The following SLC35F1 variants were observed in gnomAD, a reference collection of about 807,000 sequenced individuals.
The protein encoded by SLC35F1 is solute carrier family 35 member F1.
Under a neutral mutation model 48.7 loss-of-function variants are expected in SLC35F1, and 14 were observed. The ratio of observed to expected loss-of-function variants is 0.29; its 90% confidence interval spans 0.19 to 0.45. SLC35F1 has a LOEUF of 0.45. Ranked by LOEUF, SLC35F1 falls within the 20% of genes least tolerant of loss-of-function variation. The probability of loss-of-function intolerance (pLI) is 1.00; values close to 1 mark genes in which losing one functional copy is unlikely to be tolerated. For missense variants in SLC35F1, 404 were observed against 500.0 expected (o/e 0.81, Z 1.83); for synonymous variants, 190 against 202.2 (o/e 0.94, Z 0.51).
intron 2 of SLC35F1, among the ~76,000 whole-genome samples, chr6:118,159,345 G>T (rs1421630150): frequency 6.6e-6 from 1 of 151,282 alleles, no homozygotes; most frequent in Non-Finnish European, 1.5e-5. Context: ...TGAAGTTTGA[G>T]AATTTAGGTA....
Position 118,306,879 on chromosome 6 carries a change from A to C in SLC35F1, c.1003-7149A>C, listed in dbSNP as rs147807551. ...CTCCCGATTGCTGTATTCATGTGTGAAATTACCCACAGGGGAAGATATTTG... is the reference window on the plus strand; with the variant it reads ...CTCCCGATTGCTGTATTCATGTGTGCAATTACCCACAGGGGAAGATATTTG... On this transcript the variant is annotated intron_variant, in intron 7 of 7. Transcript: ENST00000360388. 8.9e-3 allele frequency among the ~76,000 whole-genome samples: 1,352 copies of C among 152,318 alleles called. 6 individuals are homozygous for C. Among genetic ancestry groups the C allele is most frequent in the South Asian group, 0.013 (65 of 4,828 alleles).
chr6:118,103,819 G>GT lies in SLC35F1; in HGVS notation c.174-50617dup, dbSNP rs201401796. ...ATGATTGTTCAGGCAACCTTGAAAT[G>GT]TTTTTTTTTCTGATCTCACATTTTA... On this transcript the variant is annotated intron_variant, in intron 1 of 7. Transcript: ENST00000360388. Among the ~76,000 whole-genome samples the GT allele has an allele frequency of 7.1e-3, 1,071 of 150,986 alleles. 8 individuals are homozygous for GT. Among genetic ancestry groups the GT allele is most frequent in the South Asian group, 0.017 (80 of 4,696 alleles).
chr6:118,275,895 A>G lies in SLC35F1; in HGVS notation c.794+280A>G, dbSNP rs960390068. On this transcript the variant is annotated intron_variant, in intron 5 of 7. Transcript: ENST00000360388. ...CATTAGGATTGATTCTCTGAAATCC[A>G]TGAGTGGGTTATTACTTAGAGAAGT... Among the ~76,000 whole-genome samples, 80 of 152,350 alleles carry G rather than the reference A, an allele frequency of 5.3e-4. 1 individual carries two copies. Among genetic ancestry groups the G allele is most frequent in the Middle Eastern group, 6.8e-3 (2 of 294 alleles).
intron 1 of SLC35F1, among the ~76,000 whole-genome samples, chr6:118,055,428 T>G (rs1772450218): frequency 6.6e-6 from 1 of 152,200 alleles, no homozygotes; most frequent in African/African-American, 2.4e-5. Flanking sequence ...AAGAAAAGCC[T>G]CTTTCTTGGC....
chr6:118,071,363 T>A (rs888592713), intron 1 of SLC35F1, among the ~76,000 whole-genome samples: 15 of 151,828 alleles, frequency 9.9e-5, no homozygotes, highest in Non-Finnish European at 2.1e-4. Flanking sequence ...TCTTGCCCTG[T>A]TTTTTCATGG....
chr6:118,284,460 C>T (rs1272481099), intron 6 of SLC35F1, among the ~76,000 whole-genome samples: 1 of 151,914 alleles, frequency 6.6e-6, no homozygotes, highest in Non-Finnish European at 1.5e-5. Context: ...GGCATAATTA[C>T]AGAGAAAGAG....
At chr6:117,929,840 A>G (rs1471128892) in intron 1 of SLC35F1, among the ~76,000 whole-genome samples, 1 of 152,196 alleles carries the variant, frequency 6.6e-6, no homozygotes, top group African/African-American at 2.4e-5. Context: ...AGCCAAGCTG[A>G]CACATAAAAC....
chr6:118,031,534 G>A (rs1272082911), intron 1 of SLC35F1, among the ~76,000 whole-genome samples: 1 of 152,182 alleles, frequency 6.6e-6, no homozygotes, highest in Admixed American at 6.5e-5. Flanking sequence ...TCCTAGTGAT[G>A]CAGGACAGGG....
chr6:118,283,504 C>T lies in SLC35F1; in HGVS notation c.848-1680C>T, dbSNP rs187609079. 1.2e-4 allele frequency among the ~76,000 whole-genome samples: 19 copies of T among 152,176 alleles called. No individual in the cohort carries two copies. In the East Asian group the frequency reaches 1.7e-3, roughly 14 times the overall value. On this transcript the variant is annotated intron_variant, in intron 6 of 7. Transcript: ENST00000360388. ...AACAGAGCCCACAAGTCAAAGTCCA[C>T]GCAAAATGATGGAAGGGTATTATTC...
chr6:118,185,739 C>G (rs139234712), intron 2 of SLC35F1, among the ~76,000 whole-genome samples: 44 of 152,226 alleles, frequency 2.9e-4, no homozygotes, highest in Non-Finnish European at 5.9e-4. Context: ...CTTCACTTGG[C>G]CACAGTCTCT....
At chr6:118,143,609 G>T (rs977578952) in intron 1 of SLC35F1, among the ~76,000 whole-genome samples, 1 of 152,292 alleles carries the variant, frequency 6.6e-6, no homozygotes, top group Non-Finnish European at 1.5e-5. Flanking sequence ...AAAGAATGCT[G>T]AGATGCATGT....
intron 7 of SLC35F1, among the ~76,000 whole-genome samples, chr6:118,289,824 C>T (rs1440209668): frequency 6.6e-6 from 1 of 152,180 alleles, no homozygotes; most frequent in Non-Finnish European, 1.5e-5. Flanking sequence ...TCAGATTATG[C>T]ATCATATATG....
chr6:118,121,811 A>T (rs553571950), intron 1 of SLC35F1, among the ~76,000 whole-genome samples: 1 of 152,318 alleles, frequency 6.6e-6, no homozygotes, highest in Non-Finnish European at 1.5e-5. Context: ...TGTGAGAGAC[A>T]TGAGGGAAAA....
chr6:118,114,583 A>G (rs1012989569), intron 1 of SLC35F1, among the ~76,000 whole-genome samples: 2 of 151,548 alleles, frequency 1.3e-5, no homozygotes, highest in East Asian at 1.9e-4. Flanking sequence ...TCCTCGTGTT[A>G]GCCAGGATGG....
intron 2 of SLC35F1, among the ~76,000 whole-genome samples, chr6:118,208,110 C>G (rs59500685): frequency 8.1e-6 from 1 of 124,122 alleles, no homozygotes; most frequent in East Asian, 2.1e-4. Flanking sequence ...CGCACACACA[C>G]GCGCGCGCGC....
chr6:117,997,751 C>A (rs1386266769), intron 1 of SLC35F1, among the ~76,000 whole-genome samples: 7 of 152,160 alleles, frequency 4.6e-5, no homozygotes, highest in Non-Finnish European at 7.3e-5. Flanking sequence ...ACCAGGCCTG[C>A]CCTAAAACAG....
chr6:118,306,590 T>G (rs1017058358), intron 7 of SLC35F1, among the ~76,000 whole-genome samples: 2 of 152,198 alleles, frequency 1.3e-5, no homozygotes, highest in African/African-American at 2.4e-5. Flanking sequence ...TAATGTCTTT[T>G]TGACTACTGA....
intron 1 of SLC35F1, among the ~76,000 whole-genome samples, chr6:118,036,586 C>G (rs996582773): frequency 6.6e-6 from 1 of 152,130 alleles, no homozygotes; most frequent in Non-Finnish European, 1.5e-5. Context: ...AAGACAAGGT[C>G]TCACTCTGCC....
intron 1 of SLC35F1, among the ~76,000 whole-genome samples, chr6:118,094,350 C>T (rs9385033): frequency 0.94 from 142,700 of 152,164 alleles, 67,580 homozygotes; most frequent in East Asian, 1. Context: ...GATGTAGAGC[C>T]CACAAAATTG....
Sources: allele counts gnomAD v4.1 joint callset (sites outside exome capture counted in the v4.1 genomes callset), GRCh38; gene constraint gnomAD v4.1.1; transcripts MANE v1.5; gene names NCBI Gene and HGNC (gene_info 2026-07-23, HGNC 2026-07-21).